The following TOX variants were observed in gnomAD, a reference collection of about 807,000 sequenced individuals.
TOX encodes thymocyte selection associated high mobility group box, also known as thymocyte selection-associated high mobility group box protein TOX.
In TOX, 11 loss-of-function variants were observed where a neutral mutation model predicts 53.7. The ratio of observed to expected loss-of-function variants is 0.20; its 90% CI spans 0.13 to 0.34. The LOEUF (loss-of-function observed/expected upper bound fraction) is 0.34. Ranked by LOEUF, TOX falls within the 10% of genes least tolerant of loss-of-function variation. TOX has a pLI of 1.00. For synonymous variants in TOX, 225 were observed against 245.3 expected (o/e 0.92, Z 0.77); for missense variants, 570 against 664.6 (o/e 0.86, Z 1.56).
intron 3 of TOX, among the ~76,000 whole-genome samples, chr8:58,868,686 T>C (rs1162962827): frequency 6.6e-6 from 1 of 152,056 alleles, no homozygotes. Flanking sequence ...GCCGAAGCAG[T>C]GCTTAGAGGA....
chr8:58,960,092 C>A, intron 1 of TOX, 84 bp from the exon 2 acceptor site: 2 of 1,459,290 alleles, frequency 1.4e-6, no homozygotes, highest in South Asian at 2.4e-5. Flanking sequence ...GTTTTTTAAC[C>A]ATCAAACTGG....
intron 1 of TOX, among the ~76,000 whole-genome samples, chr8:58,999,422 T>TAAG (rs1268671405): frequency 6.6e-6 from 1 of 151,552 alleles, no homozygotes; most frequent in African/African-American, 2.4e-5. Flanking sequence ...AAAAAGAAAC[T>TAAG]AAGAAGTCAA....
At chr8:58,814,227 C>T (rs1361107563) in intron 7 of TOX, among the ~76,000 whole-genome samples, 65 of 152,074 alleles carry the variant, frequency 4.3e-4, no homozygotes, top group Non-Finnish European at 4.4e-5. Flanking sequence ...TCATCTCGAT[C>T]CCAGTCCAAC....
chr8:58,991,478 A>G (rs1308942151), intron 1 of TOX, among the ~76,000 whole-genome samples: 6 of 152,226 alleles, frequency 3.9e-5, no homozygotes, highest in Admixed American at 3.9e-4. Flanking sequence ...GGAAACTGTT[A>G]CCTAGAACAA....
rs140108790 is a variant in TOX, at chr8:58,940,569, C to T, written c.169-1025G>A. 2.6e-4 allele frequency among the ~76,000 whole-genome samples: 39 copies of T among 152,248 alleles called. 1 individual carries two copies. The East Asian group carries it at 4.8e-3, about 19-fold the overall frequency. Reference sequence around the variant, plus strand: ...TGTCACAGTATGAAAGGAAACGTTTCGGTCCAGATAATTCTCGCAAGCTTA... The same window carrying T: ...TGTCACAGTATGAAAGGAAACGTTTTGGTCCAGATAATTCTCGCAAGCTTA... On this transcript the variant is annotated intron_variant, in intron 2 of 8. Coordinates refer to ENST00000361421, the MANE Select transcript of TOX (RefSeq NM_014729.3).
Position 58,881,459 on chromosome 8 carries a change from T to G in TOX, c.412-29654A>C, listed in dbSNP as rs143722939. On this transcript the variant is annotated intron_variant, in intron 3 of 8. Transcript: ENST00000361421. ...AGAGAGTAAGGCCAGGTGCTGTGGC[T>G]CATGCTTGTAATCCCAGCACTTCGT... Among the ~76,000 whole-genome samples the G allele has an allele frequency of 7.4e-3, 1,121 of 152,238 alleles. 4 individuals carry two copies. Among genetic ancestry groups the G allele is most frequent in the Middle Eastern group, 0.017 (5 of 294 alleles).
chr8:58,828,176 G>A (rs1411822767), intron 5 of TOX, among the ~76,000 whole-genome samples: 1 of 152,170 alleles, frequency 6.6e-6, no homozygotes, highest in Non-Finnish European at 1.5e-5. Flanking sequence ...TGAGCCCAAC[G>A]CCAGCTATGA....
In TOX at chr8:58,854,416, G is replaced by A. The variant is rs563223926; in HGVS notation, c.412-2611C>T. On this transcript the variant is annotated intron_variant, in intron 3 of 8. Transcript: ENST00000361421. ...AGCTTGAAGCAATCTTCACTTTATCGCACTTTCTCTCCTCCCCTGTCTTGC... is the reference window on the plus strand; with the variant it reads ...AGCTTGAAGCAATCTTCACTTTATCACACTTTCTCTCCTCCCCTGTCTTGC... 6.0e-5 allele frequency among the ~76,000 whole-genome samples: 9 copies of A among 150,014 alleles called. No individual in the cohort carries two copies. In the South Asian group the frequency reaches 1.1e-3, roughly 18 times the overall value.
intron 4 of TOX, among the ~76,000 whole-genome samples, chr8:58,850,080 C>T (rs1810784400): frequency 6.6e-6 from 1 of 152,180 alleles, no homozygotes; most frequent in African/African-American, 2.4e-5. Context: ...TTCTTCCTGC[C>T]TTTTCACCTA....
At chr8:59,039,744 G>A (rs1357898300) in intron 1 of TOX, among the ~76,000 whole-genome samples, 1 of 152,058 alleles carries the variant, frequency 6.6e-6, no homozygotes, top group Admixed American at 6.6e-5. Context: ...GTAAATTATT[G>A]AAAGAGGCTT....
intron 1 of TOX, among the ~76,000 whole-genome samples, chr8:58,990,413 T>TTA (rs1813420094): frequency 6.6e-6 from 1 of 151,280 alleles, no homozygotes; most frequent in African/African-American, 2.4e-5. Flanking sequence ...ATTTATTTAT[T>TTA]TTTATTTATT....
chr8:58,860,207 T>C (rs1810985418), intron 3 of TOX, among the ~76,000 whole-genome samples: 2 of 152,182 alleles, frequency 1.3e-5, no homozygotes, highest in Non-Finnish European at 2.9e-5. Context: ...TGAGTTGTCT[T>C]ACTTTCAACT....
At chr8:58,881,046 G>T (rs902734369) in intron 3 of TOX, among the ~76,000 whole-genome samples, 3 of 151,984 alleles carry the variant, frequency 2.0e-5, no homozygotes, top group African/African-American at 4.8e-5. Flanking sequence ...TCCCACAGGG[G>T]CCTCCCCTGT....
intron 1 of TOX, among the ~76,000 whole-genome samples, chr8:59,096,077 T>C (rs754830862): frequency 2.4e-4 from 36 of 152,332 alleles, no homozygotes; most frequent in Admixed American, 1.8e-3. Context: ...ACAAATGCCC[T>C]GAAAACTACA....
At chr8:58,869,564 C>A (rs1442135185) in intron 3 of TOX, among the ~76,000 whole-genome samples, 1 of 151,932 alleles carries the variant, frequency 6.6e-6, no homozygotes, top group Non-Finnish European at 1.5e-5. Flanking sequence ...ATATTAAAAC[C>A]AGACCAAAAC....
At chr8:59,081,184 G>A (rs59452346) in intron 1 of TOX, among the ~76,000 whole-genome samples, 6,948 of 151,988 alleles carry the variant, frequency 0.046, 209 homozygotes, top group Middle Eastern at 0.15. Flanking sequence ...GTACCACCAC[G>A]CCCAGCTAAT....
At chr8:59,099,017 AACCT>A (rs1193067339) in intron 1 of TOX, among the ~76,000 whole-genome samples, 22 of 152,322 alleles carry the variant, frequency 1.4e-4, no homozygotes, top group African/African-American at 4.1e-4. Flanking sequence ...ACTCTTTGGA[AACCT>A]ACCTTGCTGT....
At chr8:59,037,227 G>A (rs1803485125) in intron 1 of TOX, among the ~76,000 whole-genome samples, 1 of 141,984 alleles carries the variant, frequency 7.0e-6, no homozygotes, top group Non-Finnish European at 1.5e-5. Context: ...TTACATCCTT[G>A]CTTGTTTTTT....
chr8:59,058,208 G>A (rs182836008), intron 1 of TOX, among the ~76,000 whole-genome samples: 166 of 152,320 alleles, frequency 1.1e-3, no homozygotes, highest in African/African-American at 3.8e-3. Context: ...GCTGCTCAAG[G>A]CAGCACTAGC....
Sources: allele counts gnomAD v4.1 joint callset (sites outside exome capture counted in the v4.1 genomes callset), GRCh38; gene constraint gnomAD v4.1.1; transcripts MANE v1.5; gene names NCBI Gene and HGNC (gene_info 2026-07-23, HGNC 2026-07-21).